The following ZNF490 variants were observed in gnomAD, a reference collection of about 807,000 sequenced individuals.
ZNF490 encodes the protein zinc finger protein 490.
A neutral mutation model predicts 17.7 loss-of-function variants in ZNF490; 11 were observed. The ratio of observed to expected loss-of-function variants is 0.62; its 90% CI spans 0.39 to 1.03. The LOEUF (loss-of-function observed/expected upper bound fraction) is 1.03. Among genes scored for constraint, ZNF490 ranks in the 50% least tolerant of loss-of-function variants. ZNF490 has a pLI of 0.00. For synonymous variants in ZNF490, 222 were observed against 216.1 expected, an observed-to-expected ratio of 1.03 and a Z score of -0.24; for missense variants, 542 against 643.4, an observed-to-expected ratio of 0.84 and a Z score of 1.71.
intron 2 of ZNF490, among the ~76,000 whole-genome samples, chr19:12,600,813 G>T (rs2022993171): frequency 6.6e-6 from 1 of 152,108 alleles, no homozygotes; most frequent in Non-Finnish European, 1.5e-5. Context: ...CATCAGAATA[G>T]AGAAAAAATG....
In ZNF490 at chr19:12,576,484, G is replaced by C. The variant is rs140171028; in HGVS notation, c.*4001C>G. 6.7e-6 allele frequency among the ~76,000 whole-genome samples: 1 copy of C among 148,846 alleles called. No homozygotes were observed. The highest frequency in any genetic ancestry group is 1.5e-5 in the Non-Finnish European group (1 of 67,304). ...TCATGCCACTGCAGTCCAGCTTGGT[G>C]ACAGAGCGAGACTGTGTCTCAAAAA... is the stretch of plus-strand genomic sequence containing the variant. On this transcript the variant is annotated 3_prime_UTR_variant, in exon 5 of 5. Coordinates refer to ENST00000311437, the MANE Select transcript of ZNF490 (RefSeq NM_020714.3).
At chr19:12,597,079 G>A (rs1347318815) in intron 2 of ZNF490, 1 of 457,486 alleles carries the variant, frequency 2.2e-6, no homozygotes, top group Non-Finnish European at 4.4e-6. Context: ...AGGGGGACTC[G>A]GGTCTTCCCA....
At chr19:12,593,712 G>A (rs2022899018) in intron 2 of ZNF490, among the ~76,000 whole-genome samples, 1 of 152,172 alleles carries the variant, frequency 6.6e-6, no homozygotes, top group Non-Finnish European at 1.5e-5. Context: ...TTTCAATTAA[G>A]GGATAAAAAG....
chr19:12,605,590 T>C (rs2023058140), intron 2 of ZNF490, among the ~76,000 whole-genome samples: 2 of 152,170 alleles, frequency 1.3e-5, no homozygotes, highest in Admixed American at 1.3e-4. Context: ...GAGTGGGTCA[T>C]GAAAACCCTG....
In ZNF490 at chr19:12,578,695, G is replaced by C; in HGVS notation, c.*1790C>G. On this transcript the variant is annotated 3_prime_UTR_variant, in exon 5 of 5. Coordinates refer to ENST00000311437, the MANE Select transcript of ZNF490 (RefSeq NM_020714.3). ...ACAGTCTGACCCGAGGACACTGATG[G>C]AAACTTAAAAGGCAGATTCTGGGAG... 2.0e-6 allele frequency: 2 copies of C among 985,448 alleles called. No individual in the cohort carries two copies. The highest frequency in any genetic ancestry group is 2.4e-6 in the Non-Finnish European group (2 of 829,954). The allele number at this position is 985,448 out of a possible 1,614,324, so 61.0% of individuals were successfully genotyped here.
At chr19:12,598,435 C>T (rs1321415738) in intron 2 of ZNF490, among the ~76,000 whole-genome samples, 1 of 150,476 alleles carries the variant, frequency 6.6e-6, no homozygotes. Context: ...AGTGCAGTGG[C>T]GTGATCTCCG....
In ZNF490 at chr19:12,580,291, C is replaced by T; in HGVS notation, c.*194G>A. On this transcript the variant is annotated 3_prime_UTR_variant, in exon 5 of 5. Transcript: ENST00000311437. ...GGAGTCCATTCACATATCTGCAATC[C>T]CGCAGGAGAGTGCAAGTTCCTCCCC... is the stretch of plus-strand genomic sequence containing the variant. 1 of 1,378,790 alleles carries T rather than the reference C, an allele frequency of 7.3e-7. No individual in the cohort carries two copies. The allele number at this position is 1,378,790 out of a possible 1,614,324, so 85.4% of individuals were successfully genotyped here.
rs2022758378 is a variant in ZNF490 at position 12,582,919 on chromosome 19, C to G, written c.290-9G>C. On this transcript the variant is annotated splice_polypyrimidine_tract_variant and intron_variant, in intron 3 of 4. Coordinates refer to ENST00000311437, the MANE Select transcript of ZNF490 (RefSeq NM_020714.3). ...GTCTTTCCATTTTTCCCCTAAAATACAAGCCCAGAGAACTCACAATAAATT... is the reference window on the plus strand; with the variant it reads ...GTCTTTCCATTTTTCCCCTAAAATAGAAGCCCAGAGAACTCACAATAAATT... 6.2e-7 allele frequency: 1 copy of G among 1,607,738 alleles called. No homozygotes were observed. Among genetic ancestry groups the G allele is most frequent in the Admixed American group, 1.7e-5 (1 of 59,302 alleles).
intron 3 of ZNF490, 76 bp downstream of exon 3, chr19:12,583,354 A>C: frequency 6.8e-7 from 1 of 1,472,984 alleles, no homozygotes; most frequent in Non-Finnish European, 9.1e-7. Flanking sequence ...CCCCATTTTA[A>C]ACCTTGGAAC....
chr19:12,598,782 T>A (rs1223550333), intron 2 of ZNF490, among the ~76,000 whole-genome samples: 2 of 148,460 alleles, frequency 1.3e-5, no homozygotes, highest in East Asian at 4.1e-4. Flanking sequence ...AGGTCAGGAG[T>A]TCGAGACCAG....
chr19:12,606,922 T>C (rs929585112), intron 2 of ZNF490, among the ~76,000 whole-genome samples: 5 of 152,204 alleles, frequency 3.3e-5, no homozygotes, highest in African/African-American at 4.8e-5. Context: ...TGGTGACTAA[T>C]GTGATTTCAT....
Position 12,580,342 on chromosome 19 carries a change from A to G in ZNF490, c.*143T>C, listed in dbSNP as rs1185345298. 8.2e-6 allele frequency: 12 copies of G among 1,455,922 alleles called. No individual in the cohort carries two copies. Among genetic ancestry groups the G allele is most frequent in the Non-Finnish European group, 1.1e-5 (12 of 1,109,900 alleles). The allele number at this position is 1,455,922 out of a possible 1,614,324, so 90.2% of individuals were successfully genotyped here. ...CATTTGTTAAATATTTCATTGCCGC[A>G]TGAGTCACGTCTTCAAAGGGAATTA... On this transcript the variant is annotated 3_prime_UTR_variant, in exon 5 of 5. Transcript: ENST00000311437.
At position 12,576,868 on chromosome 19, in the gene ZNF490, T is replaced by C. The variant is rs2022647546; in HGVS notation, c.*3617A>G. ...AGCATTCCATATTTAAAAATATATA[T>C]AAATATATATACACACAGCCCTCTA... On this transcript the variant is annotated 3_prime_UTR_variant, in exon 5 of 5. Coordinates refer to ENST00000311437, the MANE Select transcript of ZNF490 (RefSeq NM_020714.3). Among the ~76,000 whole-genome samples the C allele has an allele frequency of 9.3e-6, 1 of 107,426 alleles. No homozygotes were observed. The highest frequency in any genetic ancestry group is 2.9e-4 in the South Asian group (1 of 3,432). The allele number at this position is 107,426 out of a possible 152,430, so 70.5% of individuals were successfully genotyped here.
At position 12,580,888 on chromosome 19, in the gene ZNF490, C is replaced by A; in HGVS notation, c.1187G>T (p.Gly396Val). The A allele has an allele frequency of 6.2e-7, 1 of 1,614,194 alleles. No homozygotes were observed. Among genetic ancestry groups the A allele is most frequent in the Non-Finnish European group, 8.5e-7 (1 of 1,180,036 alleles). The change falls in exon 5 of 5, where the codon GGT (glycine) becomes GTT (valine). Residue 396 changes from glycine to valine, a missense_variant. Physicochemically the swap from Gly to Val is moderately radical, Grantham distance 109. Transcript: ENST00000311437. ...GTAACTTGAAGAATTGAAGGCTTTACCACATTGTTTACATTCATAGGGTTT... is the reference window on the plus strand; with the variant it reads ...GTAACTTGAAGAATTGAAGGCTTTAACACATTGTTTACATTCATAGGGTTT... ...GEKPYECKQC[G>V]KAFNSSSYLQ...
rs2022820358 is a variant in ZNF490 at position 12,587,886 on chromosome 19, T to G, written c.163-4330A>C. ...AATATTTTTTGTTTGTTTGTTTGTTTGAGTCGAAGTTTCGCTCTTGTTGCC... is the reference window on the plus strand; with the variant it reads ...AATATTTTTTGTTTGTTTGTTTGTTGGAGTCGAAGTTTCGCTCTTGTTGCC... On this transcript the variant is annotated intron_variant, in intron 2 of 4. Transcript: ENST00000311437. Among the ~76,000 whole-genome samples the G allele has an allele frequency of 2.2e-5, 2 of 90,768 alleles. 1 individual carries two copies. The highest frequency in any genetic ancestry group is 6.6e-5 in the African/African-American group (2 of 30,198). 59.5% of individuals were successfully genotyped at this position (90,768 alleles called of 152,430 possible). A position where few individuals can be genotyped will look rare whatever the true frequency, so the allele number is the denominator to read the frequency against.
At chr19:12,599,642 T>C (rs866219855) in intron 2 of ZNF490, among the ~76,000 whole-genome samples, 135 of 152,288 alleles carry the variant, frequency 8.9e-4, no homozygotes, top group Middle Eastern at 6.8e-3. Flanking sequence ...TTGCTAAGAA[T>C]CAATATTGTA....
rs752335248 is a variant in ZNF490 at position 12,581,019 on chromosome 19, G to A, written c.1056C>T (p.His352=). The A allele has an allele frequency of 1.8e-5, 29 of 1,613,974 alleles. No homozygotes were observed. Among genetic ancestry groups the A allele is most frequent in the Admixed American group, 3.3e-5 (2 of 59,970 alleles). Residue 352 remains histidine (H), a synonymous_variant, in exon 5 of 5, where the codon CAC becomes CAT. Coordinates refer to ENST00000311437, the MANE Select transcript of ZNF490 (RefSeq NM_020714.3). ...GTTGAACTCCGGTGTGGGTTTTCAC[G>A]TGTTTTCGAAGGCTTGAGTGAGAAA... ...AFFSHSSLRK[H]VKTHTGVQPY...
In ZNF490 at chr19:12,605,080, G is replaced by A. The variant is rs188065133; in HGVS notation, c.162+4078C>T. Among the ~76,000 whole-genome samples the A allele has an allele frequency of 1.9e-3, 291 of 151,992 alleles. 1 individual carries two copies. The highest frequency in any genetic ancestry group is 2.7e-3 in the Admixed American group (41 of 15,246). On this transcript the variant is annotated intron_variant, in intron 2 of 4. Coordinates refer to ENST00000311437, the MANE Select transcript of ZNF490 (RefSeq NM_020714.3). Reference sequence around the variant, plus strand: ...AAACACGAGAATCATTTGAACCCTGGAGATGGAGGTTGCAGTGAGCCAAGA... The same window carrying A: ...AAACACGAGAATCATTTGAACCCTGAAGATGGAGGTTGCAGTGAGCCAAGA...
intron 2 of ZNF490, among the ~76,000 whole-genome samples, chr19:12,608,656 A>G (rs2023102378): frequency 1.3e-5 from 2 of 152,120 alleles, no homozygotes; most frequent in South Asian, 4.2e-4. Context: ...AAATATTTTT[A>G]ATAGAGATGA....
Sources: gnomAD v4.1 joint callset for allele counts (sites outside exome capture counted in the v4.1 genomes callset) on GRCh38, gnomAD v4.1.1 for gene constraint, MANE v1.5 for transcripts, NCBI Gene and HGNC (gene_info 2026-07-23, HGNC 2026-07-21) for gene names.